The following CYYR1 variants were observed in gnomAD, a reference collection of about 807,000 sequenced individuals.
CYYR1 encodes cysteine and tyrosine-rich protein 1.
Under a neutral mutation model 15.2 loss-of-function variants are expected in CYYR1, and 14 were observed. The ratio of observed to expected loss-of-function variants is 0.92; its 90% CI spans 0.61 to 1.44. The LOEUF is 1.44. Ranked by LOEUF, CYYR1 falls within the 40% of genes most tolerant of loss-of-function variation. The probability of loss-of-function intolerance (pLI) is 0.00; values close to 1 mark genes in which losing one functional copy is unlikely to be tolerated. For missense variants in CYYR1, 228 were observed against 209.5 expected (o/e 1.09, Z -0.54); for synonymous variants, 80 against 77.4 (o/e 1.03, Z -0.18).
At chr21:26,560,541 T>C (rs150526471) in intron 2 of CYYR1, among the ~76,000 whole-genome samples, 1 of 152,342 alleles carries the variant, frequency 6.6e-6, no homozygotes, top group East Asian at 1.9e-4. Context: ...ATACCATTGA[T>C]TATGCTGCCT....
chr21:26,552,238 C>A (rs533064609), intron 2 of CYYR1: 1 of 152,254 alleles, frequency 6.6e-6, no homozygotes, highest in Non-Finnish European at 1.5e-5. Context: ...CACTTTGTTG[C>A]CATATGTGCC....
Position 26,468,549 on chromosome 21 carries a change from T to A in CYYR1, c.420A>T (p.Pro140=). The change falls in exon 4 of 4, where the codon CCA becomes CCT. Residue 140 remains proline (P), a synonymous_variant. Transcript: ENST00000652641. The part of the protein sequence containing the change: ...PPPYSPTPQG[P]AQRSPPPPYP... ...AAGGAGGGGGTGGAGAACGCTGTGC[T>A]GGACCCTGTGGGGTGGGGGAGTATG... 6.2e-7 allele frequency: 1 copy of A among 1,613,188 alleles called. No homozygotes were observed. Among genetic ancestry groups the A allele is most frequent in the Non-Finnish European group, 8.5e-7 (1 of 1,179,386 alleles).
chr21:26,481,369 A>G (rs1337121636), intron 2 of CYYR1, among the ~76,000 whole-genome samples: 1 of 152,138 alleles, frequency 6.6e-6, no homozygotes, highest in Non-Finnish European at 1.5e-5. Flanking sequence ...TGACAGAAAA[A>G]AATTCGTCAG....
At chr21:26,549,921 A>G (rs554865131) in intron 2 of CYYR1, among the ~76,000 whole-genome samples, 1 of 152,208 alleles carries the variant, frequency 6.6e-6, no homozygotes, top group Non-Finnish European at 1.5e-5. Flanking sequence ...GTGAGTTTCA[A>G]GAAACTACAG....
At chr21:26,525,491 G>A (rs371428398) in intron 2 of CYYR1, among the ~76,000 whole-genome samples, 65 of 152,012 alleles carry the variant, frequency 4.3e-4, no homozygotes, top group African/African-American at 1.4e-3. Flanking sequence ...TGCCCCTGCC[G>A]CCTTCCTTCC....
intron 2 of CYYR1, among the ~76,000 whole-genome samples, chr21:26,543,788 C>T (rs1348599307): frequency 6.6e-6 from 1 of 152,060 alleles, no homozygotes; most frequent in Non-Finnish European, 1.5e-5. Context: ...CGTCTGTAAT[C>T]CCAGCTACTC....
At chr21:26,501,321 G>A (rs929764364) in intron 2 of CYYR1, among the ~76,000 whole-genome samples, 1 of 152,222 alleles carries the variant, frequency 6.6e-6, no homozygotes, top group African/African-American at 2.4e-5. Flanking sequence ...TGGTGACAGA[G>A]TGAGACTTCG....
intron 2 of CYYR1, among the ~76,000 whole-genome samples, chr21:26,499,912 T>C (rs2065457328): frequency 6.6e-6 from 1 of 151,852 alleles, no homozygotes; most frequent in African/African-American, 2.4e-5. Flanking sequence ...TTGGGGAAAT[T>C]TATACCCTAC....
At chr21:26,555,305 A>G (rs1209482651) in intron 2 of CYYR1, among the ~76,000 whole-genome samples, 1 of 152,140 alleles carries the variant, frequency 6.6e-6, no homozygotes, top group Non-Finnish European at 1.5e-5. Context: ...ATATATTTCT[A>G]TGTGTAATAC....
chr21:26,504,296 A>C (rs2065524421), intron 2 of CYYR1, among the ~76,000 whole-genome samples: 1 of 151,740 alleles, frequency 6.6e-6, no homozygotes, highest in South Asian at 2.1e-4. Context: ...TTTGAGACAG[A>C]GTCTTGCCCT....
At chr21:26,490,129 C>A (rs2065308310) in intron 2 of CYYR1, among the ~76,000 whole-genome samples, 1 of 151,972 alleles carries the variant, frequency 6.6e-6, no homozygotes, top group Non-Finnish European at 1.5e-5. Context: ...TGGTGAAACC[C>A]TGCCTGTACG....
chr21:26,507,637 C>A (rs1390659245), intron 2 of CYYR1, among the ~76,000 whole-genome samples: 1 of 152,154 alleles, frequency 6.6e-6, no homozygotes, highest in Non-Finnish European at 1.5e-5. Flanking sequence ...AAAGATAAAT[C>A]AATCTGGGGT....
intron 2 of CYYR1, among the ~76,000 whole-genome samples, chr21:26,495,361 T>C (rs1243642240): frequency 1.3e-5 from 2 of 152,178 alleles, no homozygotes; most frequent in Non-Finnish European, 2.9e-5. Context: ...ATATCTGCGC[T>C]AGGCTCTACA....
In CYYR1 at chr21:26,573,024, A is replaced by G; in HGVS notation, c.-84T>C. On this transcript the variant is annotated 5_prime_UTR_variant, in exon 1 of 4. Transcript: ENST00000652641. Reference sequence around the variant, plus strand: ...GAGGATGGAGGGCGATCAGATGGAGAGAGCAGCGCTCCTGAGAGCCGGGTG... The same window carrying G: ...GAGGATGGAGGGCGATCAGATGGAGGGAGCAGCGCTCCTGAGAGCCGGGTG... 6.2e-7 allele frequency: 1 copy of G among 1,608,014 alleles called. No individual in the cohort carries two copies. The highest frequency in any genetic ancestry group is 8.5e-7 in the Non-Finnish European group (1 of 1,177,348).
chr21:26,489,193 T>C (rs2065293406), intron 2 of CYYR1, among the ~76,000 whole-genome samples: 1 of 152,184 alleles, frequency 6.6e-6, no homozygotes, highest in Non-Finnish European at 1.5e-5. Flanking sequence ...AATTAAACTT[T>C]ATGGCTCAGT....
chr21:26,538,498 T>C (rs1035168615), intron 2 of CYYR1, among the ~76,000 whole-genome samples: 3 of 152,174 alleles, frequency 2.0e-5, no homozygotes, highest in Non-Finnish European at 2.9e-5. Context: ...ATTTTAATTA[T>C]GGTGTTTCTT....
At chr21:26,520,744 G>T (rs531472642) in intron 2 of CYYR1, among the ~76,000 whole-genome samples, 4 of 152,128 alleles carry the variant, frequency 2.6e-5, no homozygotes, top group African/African-American at 4.8e-5. Flanking sequence ...AGCATCTATT[G>T]TTTCCTGATT....
At chr21:26,520,785 G>C (rs1354194632) in intron 2 of CYYR1, among the ~76,000 whole-genome samples, 2 of 152,194 alleles carry the variant, frequency 1.3e-5, no homozygotes, top group Non-Finnish European at 2.9e-5. Flanking sequence ...ACTGGCATGA[G>C]ATGGTATCTC....
intron 2 of CYYR1, among the ~76,000 whole-genome samples, chr21:26,565,163 TTTTTTATTTTGTATTCTCAGAGTCA>T (rs1980522016): frequency 6.6e-6 from 1 of 152,208 alleles, no homozygotes; most frequent in Admixed American, 6.5e-5. Flanking sequence ...CAAAGTATGA[TTTTTTATTTTGTATTCTCAGAGTCA>T]TGATCTCTAA....
Sources: gnomAD v4.1 joint callset for allele counts (sites outside exome capture counted in the v4.1 genomes callset) on GRCh38, gnomAD v4.1.1 for gene constraint, MANE v1.5 for transcripts, NCBI Gene and HGNC (gene_info 2026-07-23, HGNC 2026-07-21) for gene names.